Variants in STUM observed in about 807,000 individuals in gnomAD.
The protein encoded by STUM is protein stum homolog.
Under a neutral mutation model 15.3 loss-of-function variants are expected in STUM, and 8 were observed. The observed-to-expected ratio is 0.52, with a 90% CI of 0.31 to 0.94. The LOEUF is 0.94. Ranked by LOEUF, STUM falls within the 40% of genes least tolerant of loss-of-function variation. The probability of loss-of-function intolerance (pLI) is 0.05; values close to 1 mark genes in which losing one functional copy is unlikely to be tolerated. For missense variants in STUM, 142 were observed against 204.9 expected (o/e 0.69, Z 1.87); for synonymous variants, 78 against 88.7 (o/e 0.88, Z 0.68).
At chr1:226,586,367 G>A (rs1034712170) in intron 1 of STUM, among the ~76,000 whole-genome samples, 2 of 152,128 alleles carry the variant, frequency 1.3e-5, no homozygotes, top group Non-Finnish European at 1.5e-5. Context: ...CCAGGCTTGC[G>A]TTTGGTAAGG....
At chr1:226,566,209 G>T (rs1267466990) in intron 1 of STUM, among the ~76,000 whole-genome samples, 1 of 152,166 alleles carries the variant, frequency 6.6e-6, no homozygotes, top group Non-Finnish European at 1.5e-5. Flanking sequence ...GTTATGAGAA[G>T]TCATCAAAAT....
intron 2 of STUM, among the ~76,000 whole-genome samples, chr1:226,597,689 C>G (rs10916013): frequency 0.37 from 56,221 of 152,100 alleles, 10,573 homozygotes; most frequent in Middle Eastern, 0.49. Context: ...AGGGCACACA[C>G]AAATGGCAGG....
chr1:226,549,006 G>A lies in STUM; in HGVS notation c.102G>A (p.Gln34=), dbSNP rs751445048. The change falls in exon 1 of 4, where the codon CAG becomes CAA. Residue 34 remains glutamine (Q), a synonymous_variant. Coordinates refer to ENST00000366788, the MANE Select transcript of STUM (RefSeq NM_001003665.4). This position sits in a 1 kb window ranked among gnomAD's most constrained non-coding sequence, Gnocchi z 6.8. ...CCTCGTCCAGCGGGGTGGTGGTGCA[G>A]GTCCGCGAGAAGAAGGGCCCCCTGC... The part of the protein sequence containing the change: ...GASSSSGVVV[Q]VREKKGPLRA... 6.4e-7 allele frequency: 1 copy of A among 1,573,520 alleles called. No individual in the cohort carries two copies. The highest frequency in any genetic ancestry group is 8.6e-7 in the Non-Finnish European group (1 of 1,163,338).
chr1:226,589,007 C>T (rs1289978437), intron 1 of STUM, among the ~76,000 whole-genome samples: 1 of 152,222 alleles, frequency 6.6e-6, no homozygotes, highest in Admixed American at 6.5e-5. Flanking sequence ...AGGAGCAGCA[C>T]ATCATAATGA....
In STUM at chr1:226,605,870, G is replaced by C. The variant is rs951763534; in HGVS notation, c.*3830G>C. ...GGCGGCAGAGAGACAGCTGGTATTAGGAGCTTCCCCATCCTAATGTGCAGG... is the reference window on the plus strand; with the variant it reads ...GGCGGCAGAGAGACAGCTGGTATTACGAGCTTCCCCATCCTAATGTGCAGG... On this transcript the variant is annotated 3_prime_UTR_variant, in exon 4 of 4. Transcript: ENST00000366788. This position sits in a 1 kb window ranked among gnomAD's most constrained non-coding sequence, Gnocchi z 4.0. 6.6e-6 allele frequency: 1 copy of C among 152,316 alleles called. No individual in the cohort carries two copies. Among genetic ancestry groups the C allele is most frequent in the African/African-American group, 2.4e-5 (1 of 41,440 alleles). The allele number at this position is 152,316 out of a possible 1,614,324, so 9.4% of individuals were successfully genotyped here. A position where few individuals can be genotyped will look rare whatever the true frequency, so the allele number is the denominator to read the frequency against.
In STUM at chr1:226,607,702, T is replaced by G. The variant is rs1369267767; in HGVS notation, c.*5662T>G. 1 of 152,266 alleles carries G rather than the reference T, an allele frequency of 6.6e-6. No individual in the cohort carries two copies. The highest frequency in any genetic ancestry group is 2.4e-5 in the African/African-American group (1 of 41,468). The allele number at this position is 152,266 out of a possible 1,614,324, so 9.4% of individuals were successfully genotyped here. On this transcript the variant is annotated 3_prime_UTR_variant, in exon 4 of 4. Coordinates refer to ENST00000366788, the MANE Select transcript of STUM (RefSeq NM_001003665.4). Reference sequence around the variant, plus strand: ...GTCCACCATGTGTGTGTCCTGAGTTTCCAGTGCAAGTCATCTGGATTTGCA... The same window carrying G: ...GTCCACCATGTGTGTGTCCTGAGTTGCCAGTGCAAGTCATCTGGATTTGCA...
intron 1 of STUM, among the ~76,000 whole-genome samples, chr1:226,593,570 G>C (rs2102709630): frequency 6.6e-6 from 1 of 152,246 alleles, no homozygotes; most frequent in South Asian, 2.1e-4. Context: ...GTTCAGTTAG[G>C]TTCTTGAATG....
intron 1 of STUM, among the ~76,000 whole-genome samples, chr1:226,576,238 C>A (rs1667812725): frequency 6.6e-6 from 1 of 152,222 alleles, no homozygotes. Flanking sequence ...TCTCCCAGAG[C>A]TGCTGGCTGG....
intron 1 of STUM, among the ~76,000 whole-genome samples, chr1:226,572,530 G>GACGGAGCAGAGGGGAGC (rs1667726853): frequency 6.6e-6 from 1 of 152,200 alleles, no homozygotes; most frequent in Non-Finnish European, 1.5e-5. Context: ...ACGATGAGCA[G>GACGGAGCAGAGGGGAGC]ACGGAGCAGA....
At chr1:226,569,986 C>T (rs1395519181) in intron 1 of STUM, among the ~76,000 whole-genome samples, 2 of 152,208 alleles carry the variant, frequency 1.3e-5, no homozygotes, top group African/African-American at 4.8e-5. Context: ...AGGCCCACAG[C>T]TCACTGGTCC....
intron 1 of STUM, among the ~76,000 whole-genome samples, chr1:226,559,385 A>G (rs1667500793): frequency 6.6e-6 from 1 of 152,224 alleles, no homozygotes; most frequent in Non-Finnish European, 1.5e-5. Flanking sequence ...ACCACGTCGA[A>G]GGCTCTGACC....
At chr1:226,594,277 G>A (rs1223033712) in intron 1 of STUM, among the ~76,000 whole-genome samples, 4 of 151,762 alleles carry the variant, frequency 2.6e-5, no homozygotes, top group Non-Finnish European at 5.9e-5. Flanking sequence ...CACTGGTGGC[G>A]GTGGTTAAGA....
At chr1:226,574,848 G>T (rs527876820) in intron 1 of STUM, among the ~76,000 whole-genome samples, 1 of 152,210 alleles carries the variant, frequency 6.6e-6, no homozygotes, top group Non-Finnish European at 1.5e-5. Flanking sequence ...CCCAGAGGGC[G>T]TGTCTCGGGG....
chr1:226,572,473 A>T (rs1667725411), intron 1 of STUM, among the ~76,000 whole-genome samples: 1 of 152,238 alleles, frequency 6.6e-6, no homozygotes, highest in Non-Finnish European at 1.5e-5. Flanking sequence ...GTGCGGCTGG[A>T]TGCCTCGGGG....
rs370391051 is a variant in STUM at position 226,601,999 on chromosome 1, C to T, written c.392-7C>T. ...CTAACCATCTCTCCTTTGCTTCTTC[C>T]TCACAGGCTACAAGGAGCAGGGCAT... On this transcript the variant is annotated splice_region_variant and splice_polypyrimidine_tract_variant and intron_variant, in intron 3 of 3. Coordinates refer to ENST00000366788, the MANE Select transcript of STUM (RefSeq NM_001003665.4). 3.1e-6 allele frequency: 5 copies of T among 1,609,800 alleles called. No individual in the cohort carries two copies. Among genetic ancestry groups the T allele is most frequent in the Non-Finnish European group, 4.2e-6 (5 of 1,179,702 alleles).
chr1:226,588,223 G>T (rs17520819), intron 1 of STUM, among the ~76,000 whole-genome samples: 5,193 of 152,254 alleles, frequency 0.034, 93 homozygotes, highest in South Asian at 0.053. Flanking sequence ...ACTTTCTAGG[G>T]GAATGACTCG....
intron 1 of STUM, among the ~76,000 whole-genome samples, chr1:226,577,515 ACACACT>A (rs1667837369): frequency 6.6e-6 from 1 of 151,848 alleles, no homozygotes. Context: ...ACACACACAC[ACACACT>A]CACACACTCA....
chr1:226,553,427 T>C (rs972004929), intron 1 of STUM, among the ~76,000 whole-genome samples: 2 of 152,110 alleles, frequency 1.3e-5, no homozygotes, highest in African/African-American at 4.8e-5. Context: ...AGATCCAAAA[T>C]TGAAGCAGCT....
intron 1 of STUM, among the ~76,000 whole-genome samples, chr1:226,584,678 G>T (rs1667971167): frequency 6.6e-6 from 1 of 152,184 alleles, no homozygotes; most frequent in Non-Finnish European, 1.5e-5. Context: ...GCATTCCAGG[G>T]GTGTTCCTGG....
Sources: allele counts gnomAD v4.1 joint callset (sites outside exome capture counted in the v4.1 genomes callset), GRCh38; gene constraint gnomAD v4.1.1; non-coding constraint Gnocchi (gnomAD v3.1); transcripts MANE v1.5; gene names NCBI Gene and HGNC (gene_info 2026-07-23, HGNC 2026-07-21).